The following CDC20B variants were observed in gnomAD, a reference collection of about 807,000 sequenced individuals.
CDC20B encodes the protein cell division cycle protein 20 homolog B.
CDC20B carries 58 observed loss-of-function variants against 64.1 expected under a neutral mutation model. That is an observed-to-expected ratio of 0.90 (90% CI 0.73 to 1.13). CDC20B has a LOEUF of 1.13. Ranked by LOEUF, CDC20B falls within the 50% of genes most tolerant of loss-of-function variation. The pLI is 0.00. For synonymous variants in CDC20B, 243 were observed against 230.6 expected, an observed-to-expected ratio of 1.05 and a Z score of -0.49; for missense variants, 597 against 633.0, an observed-to-expected ratio of 0.94 and a Z score of 0.61.
rs538330988 is a variant in CDC20B at position 55,166,275 on chromosome 5, G to A, written c.126+6313C>T. The stretch of plus-strand genomic sequence containing the variant: ...CAACCAGGACTGTCCCAGTCAACAT[G>A]ATACAGATGAACATCCTGCCTTAAG... On this transcript the variant is annotated intron_variant, in intron 2 of 11. Coordinates refer to ENST00000381375, the MANE Select transcript of CDC20B (RefSeq NM_001170402.1). The A allele has an allele frequency of 2.0e-5, 3 of 152,348 alleles. No homozygotes were observed. The East Asian group carries it at 5.8e-4, about 29-fold the overall frequency. 9.4% of individuals were successfully genotyped at this position (152,348 alleles called of 1,614,324 possible).
intron 9 of CDC20B, among the ~76,000 whole-genome samples, chr5:55,123,153 C>A (rs183659950): frequency 2.6e-5 from 4 of 152,068 alleles, no homozygotes; most frequent in African/African-American, 9.7e-5. Context: ...AATTAATGTA[C>A]GGTTTAATAA....
Position 55,140,404 on chromosome 5 carries a change from A to G in CDC20B, c.490T>C (p.Cys164Arg). The G allele has an allele frequency of 6.2e-7, 1 of 1,606,956 alleles. No individual in the cohort carries two copies. Among genetic ancestry groups the G allele is most frequent in the Non-Finnish European group, 8.5e-7 (1 of 1,175,510 alleles). The change falls in exon 5 of 12, where the codon TGC (cysteine) becomes CGC (arginine). Residue 164 changes from cysteine (C) to arginine (R), a missense_variant. Cys to Arg is a radical substitution (Grantham distance 180, BLOSUM62 -3). Around this residue, in one of 3 missense-constraint regions of CDC20B, gnomAD observed 241 missense variants for 219.2 expected, o/e 1.10. Coordinates refer to ENST00000381375, the MANE Select transcript of CDC20B (RefSeq NM_001170402.1). ...KESVASKGQKCLKQLFVTQNV... is the reference protein window; with the variant it reads ...KESVASKGQKRLKQLFVTQNV... ...TGGGTTACAAAGAGTTGTTTTAGGC[A>G]TTTCTGAAAATAAACACACATAAGG... is the stretch of plus-strand genomic sequence containing the variant.
chr5:55,169,922 G>C (rs2111615607), intron 2 of CDC20B, among the ~76,000 whole-genome samples: 1 of 152,272 alleles, frequency 6.6e-6, no homozygotes, highest in African/African-American at 2.4e-5. Context: ...GACCATCCCA[G>C]CTAACACGGT....
At chr5:55,156,323 C>T (rs1561300042) in intron 2 of CDC20B, among the ~76,000 whole-genome samples, 1 of 152,194 alleles carries the variant, frequency 6.6e-6, no homozygotes, top group Non-Finnish European at 1.5e-5. Context: ...CATATGACCC[C>T]TCCACCAGAG....
At chr5:55,129,360 C>T (rs569438357) in intron 6 of CDC20B, among the ~76,000 whole-genome samples, 7 of 152,102 alleles carry the variant, frequency 4.6e-5, no homozygotes, top group Non-Finnish European at 1.0e-4. Context: ...GTAAGGGAGT[C>T]AAAATTTGGA....
chr5:55,160,780 T>A (rs1744002920), intron 2 of CDC20B: 2 of 522,098 alleles, frequency 3.8e-6, no homozygotes. Flanking sequence ...TTCATGAGTA[T>A]CTAATGCTTT....
At chr5:55,166,367 C>G (rs1379032127) in intron 2 of CDC20B, 1 of 152,222 alleles carries the variant, frequency 6.6e-6, no homozygotes, top group Admixed American at 6.5e-5. Flanking sequence ...TCTTGGCTGC[C>G]TTATTCAACC....
chr5:55,137,711 T>A (rs988495999), intron 5 of CDC20B: 1 of 456,376 alleles, frequency 2.2e-6, no homozygotes, highest in East Asian at 7.0e-5. Context: ...TTCCTCTGCC[T>A]CCTATTTTCA....
chr5:55,172,619 A>G lies in CDC20B; in HGVS notation c.95T>C (p.Leu32Ser). ...GGAATCTTGACTTCTCTTCTGCTTC[A>G]AGTCTTTGGAGAGCACACGCATGAT... ...ESIMRVLSKDLKQKRSQDSAN... is the reference protein window; with the variant it reads ...ESIMRVLSKDSKQKRSQDSAN... The change falls in exon 2 of 12, where the codon TTG becomes TCG. Residue 32 changes from leucine to serine, a missense_variant. This residue lies in a region of CDC20B where 241 missense variants were observed against 219.2 expected (regional missense o/e 1.10). Transcript: ENST00000381375. The G allele has an allele frequency of 6.2e-7, 1 of 1,613,638 alleles. No individual in the cohort carries two copies. The highest frequency in any genetic ancestry group is 1.1e-5 in the South Asian group (1 of 91,074).
chr5:55,115,136 C>T (rs1742592849), intron 11 of CDC20B, among the ~76,000 whole-genome samples: 1 of 152,040 alleles, frequency 6.6e-6, no homozygotes, highest in Admixed American at 6.6e-5. Context: ...TGAAAAAGGA[C>T]CAAAAAAGCT....
chr5:55,169,808 G>T (rs1282690053), intron 2 of CDC20B, among the ~76,000 whole-genome samples: 2 of 152,168 alleles, frequency 1.3e-5, no homozygotes, highest in East Asian at 3.9e-4. Flanking sequence ...TTCTAATGCT[G>T]TATTTAGAAA....
At chr5:55,163,429 T>C (rs910552614) in intron 2 of CDC20B, among the ~76,000 whole-genome samples, 2 of 152,086 alleles carry the variant, frequency 1.3e-5, no homozygotes, top group African/African-American at 4.8e-5. Context: ...CTACTCAAAA[T>C]ACAAAAATTT....
At chr5:55,157,485 C>T (rs886593537) in intron 2 of CDC20B, among the ~76,000 whole-genome samples, 1 of 152,190 alleles carries the variant, frequency 6.6e-6, no homozygotes, top group Non-Finnish European at 1.5e-5. Flanking sequence ...ATTTGAAGCT[C>T]TTAAGCCTTA....
At position 55,143,635 on chromosome 5, in the gene CDC20B, T is replaced by C; in HGVS notation, c.364A>G (p.Lys122Glu). The change falls in exon 4 of 12, where the codon AAA (lysine) becomes GAA (glutamate). Residue 122 changes from lysine to glutamate, a missense_variant. This residue lies in a region of CDC20B where 241 missense variants were observed against 219.2 expected (regional missense o/e 1.10). Coordinates refer to ENST00000381375, the MANE Select transcript of CDC20B (RefSeq NM_001170402.1). The stretch of plus-strand genomic sequence containing the variant: ...TTGCTGGGGGTCTTCAGTTGTTCTT[T>C]GCGGGATCCTACAAGAAAGACATTT... The part of the protein sequence containing the change: ...EKETLTLGSR[K>E]EQLKTPSKGI... The C allele has an allele frequency of 6.3e-7, 1 of 1,586,596 alleles. No individual in the cohort carries two copies. Among genetic ancestry groups the C allele is most frequent in the South Asian group, 1.2e-5 (1 of 86,180 alleles).
At chr5:55,149,197 AT>A in intron 2 of CDC20B, among the ~76,000 whole-genome samples, 1 of 152,314 alleles carries the variant, frequency 6.6e-6, no homozygotes, top group South Asian at 2.1e-4. Context: ...GATGGCTAGA[AT>A]TTTTTTAATG....
At chr5:55,167,891 G>T (rs1331178140) in intron 2 of CDC20B, among the ~76,000 whole-genome samples, 1 of 152,082 alleles carries the variant, frequency 6.6e-6, no homozygotes, top group East Asian at 1.9e-4. Context: ...AATTAGCCAG[G>T]TGCGGTAGCA....
intron 6 of CDC20B, 104 bp from the exon 7 acceptor site, chr5:55,128,721 T>C (rs111773909): frequency 1.2e-5 from 9 of 776,586 alleles, no homozygotes; most frequent in African/African-American, 9.1e-5. Context: ...ACCATCCCCA[T>C]GGTTAGCTGG....
At chr5:55,119,442 T>A (rs1030535684) in intron 11 of CDC20B, among the ~76,000 whole-genome samples, 1 of 152,202 alleles carries the variant, frequency 6.6e-6, no homozygotes, top group Non-Finnish European at 1.5e-5. Context: ...TGACACATAA[T>A]GTCTTGCCCT....
chr5:55,136,103 C>G (rs1394470384), intron 5 of CDC20B: 1 of 152,064 alleles, frequency 6.6e-6, no homozygotes, highest in Non-Finnish European at 1.5e-5. Flanking sequence ...GCCACCACGC[C>G]TGGCTAATTT....
Sources: gnomAD v4.1 joint callset for allele counts (sites outside exome capture counted in the v4.1 genomes callset) on GRCh38, gnomAD v4.1.1 for gene constraint, gnomAD v4.1.1 regional missense constraint, MANE v1.5 for transcripts, NCBI Gene and HGNC (gene_info 2026-07-23, HGNC 2026-07-21) for gene names.